The following MSLN variants were observed in gnomAD, a reference collection of about 807,000 sequenced individuals.
MSLN encodes CAK1 antigen.
A neutral mutation model predicts 72.6 loss-of-function variants in MSLN; 82 were observed. That is an observed-to-expected ratio of 1.13 (90% CI 0.94 to 1.36). The LOEUF (loss-of-function observed/expected upper bound fraction) is 1.36. MSLN is among the 40% of genes most tolerant of loss of function. MSLN has a pLI of 0.00. For synonymous variants in MSLN, 456 were observed against 387.3 expected, an observed-to-expected ratio of 1.18 and a Z score of -2.08; for missense variants, 1,005 against 847.9, an observed-to-expected ratio of 1.19 and a Z score of -2.30.
intron 16 of MSLN, among the ~76,000 whole-genome samples, chr16:768,090 GCCCTGGTGGA>G (rs2041663163): frequency 1.7e-5 from 2 of 118,430 alleles, no homozygotes; most frequent in East Asian, 3.0e-4. Context: ...AAGTGGAGAA[GCCCTGGTGGA>G]GGGGCGCATG....
intron 5 of MSLN, among the ~76,000 whole-genome samples, 157 bp from the exon 6 acceptor site, chr16:763,866 C>T (rs568518771): frequency 3.3e-5 from 5 of 151,430 alleles, no homozygotes; most frequent in African/African-American, 4.9e-5. Context: ...GTGATGGCAA[C>T]TCCCGGCCCT....
At chr16:762,638 AG>A in intron 2 of MSLN, 33 bp from the exon 3 acceptor site, 2 of 1,504,616 alleles carry the variant, frequency 1.3e-6, no homozygotes, top group Non-Finnish European at 1.8e-6. Context: ...GGGTGGGAGC[AG>A]GGGGTCCCAT....
chr16:767,120 A>ACCACCCAGTTACC, intron 15 of MSLN, 108 bp downstream of exon 15: 1 of 1,541,750 alleles, frequency 6.5e-7, no homozygotes. Context: ...TGCCAGGGTA[A>ACCACCCAGTTACC]CTGGGTGGTC....
chr16:762,453 G>A (rs898188891), intron 2 of MSLN: 1 of 549,618 alleles, frequency 1.8e-6, no homozygotes, highest in African/African-American at 2.0e-5. Context: ...CTGGGGACCG[G>A]GATCTCAGAC....
At chr16:767,496 GT>G in intron 16 of MSLN, 26 bp downstream of exon 16, 1 of 1,502,428 alleles carries the variant, frequency 6.7e-7, no homozygotes, top group Non-Finnish European at 8.9e-7. Context: ...GGAGGGGCGT[GT>G]GGAGGAGGGG....
rs756137887 is a variant in MSLN at position 768,820 on chromosome 16, G to A, written c.*87G>A. The A allele has an allele frequency of 7.7e-6, 10 of 1,304,104 alleles. No homozygotes were observed. The African/African-American group carries it at 1.2e-4, about 15-fold the overall frequency. The allele number at this position is 1,304,104 out of a possible 1,614,324, so 80.8% of individuals were successfully genotyped here. ...ACGGGTGGTCCCCGTTCCACCCCAA[G>A]AGAACTCGCGCTCAGTAAACGGGAA... On this transcript the variant is annotated 3_prime_UTR_variant, in exon 18 of 18. Transcript: ENST00000545450.
intron 4 of MSLN, 145 bp from the exon 5 acceptor site, chr16:763,497 G>C (rs2151614054): frequency 5.6e-6 from 5 of 889,194 alleles, no homozygotes; most frequent in Non-Finnish European, 8.5e-6. Context: ...TGGATGAGAA[G>C]CAGCCAAGCC....
At chr16:761,629 T>G (rs947120522) in intron 2 of MSLN, among the ~76,000 whole-genome samples, 1 of 151,930 alleles carries the variant, frequency 6.6e-6, no homozygotes, top group South Asian at 2.1e-4. Context: ...TTTCTGGCTG[T>G]GGGGGGGGTC....
At chr16:762,334 G>A (rs2041546021) in intron 2 of MSLN, among the ~76,000 whole-genome samples, 1 of 152,220 alleles carries the variant, frequency 6.6e-6, no homozygotes, top group African/African-American at 2.4e-5. Context: ...GGGAGACTCA[G>A]GCCAGCCCAA....
At position 768,658 on chromosome 16, in the gene MSLN, G is replaced by A. The variant is rs201197109; in HGVS notation, c.1794G>A (p.Ser598=). 4.1e-4 allele frequency: 667 copies of A among 1,611,020 alleles called. 4 individuals carry two copies. In the East Asian group the frequency reaches 6.9e-3, roughly 17 times the overall value. ...CCCCTCTCTCTGTAGAGGCCCTCTC[G>A]GGGACGCCCTGCCTCCTAGGACCTG... The part of the protein sequence containing the change: ...VLDLSMQEAL[S]GTPCLLGPGP... Residue 598 remains serine, a synonymous_variant, in exon 18 of 18, where the codon TCG becomes TCA. Transcript: ENST00000545450.
chr16:766,192 C>T lies in MSLN; in HGVS notation c.1029C>T (p.Pro343=). Residue 343 remains proline (P), a synonymous_variant, in exon 12 of 18, where the codon CCC becomes CCT. Coordinates refer to ENST00000545450, the MANE Select transcript of MSLN (RefSeq NM_005823.6). ...ATQMDRVNAI[P]FTYEQLDVLK... ...AGATGGACCGCGTGAACGCCATCCC[C>T]TTCACCTACGAGCAGCTGGACGTCC... 25 of 1,612,410 alleles carry T rather than the reference C, an allele frequency of 1.6e-5. No homozygotes were observed. Among genetic ancestry groups the T allele is most frequent in the Non-Finnish European group, 2.0e-5 (24 of 1,179,626 alleles).
At position 764,993 on chromosome 16, in the gene MSLN, C is replaced by A. The variant is rs906799088; in HGVS notation, c.467C>A (p.Ala156Asp). 5 of 1,612,308 alleles carry A rather than the reference C, an allele frequency of 3.1e-6. No homozygotes were observed. The highest frequency in any genetic ancestry group is 4.2e-6 in the Non-Finnish European group (5 of 1,179,704). Reference sequence around the variant, plus strand: ...AATGTGGACCTGCTCCCGAGGGGGGCTCCCGAGCGACAGCGGCTGCTGCCT... The same window carrying A: ...AATGTGGACCTGCTCCCGAGGGGGGATCCCGAGCGACAGCGGCTGCTGCCT... ...KANVDLLPRG[A>D]PERQRLLPAA... The change falls in exon 8 of 18, where the codon GCT (alanine) becomes GAT (aspartate). Residue 156 changes from alanine to aspartate, a missense_variant. Ala to Asp is a moderately radical substitution (Grantham distance 126). Coordinates refer to ENST00000545450, the MANE Select transcript of MSLN (RefSeq NM_005823.6).
At chr16:767,199 C>T (rs543994735) in intron 15 of MSLN, among the ~76,000 whole-genome samples, 177 bp from the exon 16 acceptor site, 1 of 152,112 alleles carries the variant, frequency 6.6e-6, no homozygotes, top group African/African-American at 2.4e-5. Context: ...GCTCGGGGCG[C>T]CAGCCACCTC....
chr16:765,625 C>A lies in MSLN; in HGVS notation c.795+8C>A. 5 of 1,601,636 alleles carry A rather than the reference C, an allele frequency of 3.1e-6. No individual in the cohort carries two copies. The highest frequency in any genetic ancestry group is 4.2e-6 in the Non-Finnish European group (5 of 1,178,182). On this transcript the variant is annotated splice_region_variant and intron_variant, in intron 10 of 17. Transcript: ENST00000545450. Reference sequence around the variant, plus strand: ...ATCCGCAGCATCCCGCAGGTGAGACCCCAATCCCCAGCCCGTGGGGATGCC... The same window carrying A: ...ATCCGCAGCATCCCGCAGGTGAGACACCAATCCCCAGCCCGTGGGGATGCC...
chr16:763,345 C>T (rs1019074739), intron 4 of MSLN, 69 bp downstream of exon 4: 2 of 1,292,612 alleles, frequency 1.5e-6, no homozygotes, highest in Non-Finnish European at 2.2e-6. Context: ...GCTGTGTTCT[C>T]TCTGTCACGT....
rs372296209 is a variant in MSLN at position 764,037 on chromosome 16, A to G, written c.194A>G (p.Gln65Arg). The G allele has an allele frequency of 5.6e-6, 9 of 1,602,484 alleles. No individual in the cohort carries two copies. The highest frequency in any genetic ancestry group is 7.6e-6 in the Non-Finnish European group (9 of 1,179,630). Reference sequence around the variant, plus strand: ...CCTTCCTGCAGCCTCTCCCCTCGCCAACTCCTTGGCTTCCCGTGTGCGGAG... The same window carrying G: ...CCTTCCTGCAGCCTCTCCCCTCGCCGACTCCTTGGCTTCCCGTGTGCGGAG... Reference protein sequence around the residue: ...PPNISSLSPRQLLGFPCAEVS... With the variant: ...PPNISSLSPRRLLGFPCAEVS... Residue 65 changes from glutamine (Q) to arginine (R), a missense_variant, in exon 6 of 18, where the codon CAA (glutamine) becomes CGA (arginine). Gln to Arg is a conservative substitution (Grantham distance 43). Coordinates refer to ENST00000545450, the MANE Select transcript of MSLN (RefSeq NM_005823.6).
At chr16:761,598 G>A (rs1459980991) in intron 2 of MSLN, among the ~76,000 whole-genome samples, 1 of 151,490 alleles carries the variant, frequency 6.6e-6, no homozygotes, top group African/African-American at 2.4e-5. Flanking sequence ...CCAAGGGCTG[G>A]GGGTCCCACT....
At chr16:762,293 A>G (rs995452638) in intron 2 of MSLN, among the ~76,000 whole-genome samples, 1 of 152,192 alleles carries the variant, frequency 6.6e-6, no homozygotes, top group Admixed American at 6.5e-5. Context: ...CATCCAGGCG[A>G]CGGGGCTGCT....
Position 763,386 on chromosome 16 carries a change from T to TGCCG in MSLN, c.129+110_129+111insGCCG, listed in dbSNP as rs1322308005. The TGCCG allele has an allele frequency of 2.8e-6, 3 of 1,052,644 alleles. No homozygotes were observed. The African/African-American group carries it at 4.9e-5, about 17-fold the overall frequency. The allele number at this position is 1,052,644 out of a possible 1,614,324, so 65.2% of individuals were successfully genotyped here. A position where few individuals can be genotyped will look rare whatever the true frequency, so the allele number is the denominator to read the frequency against. On this transcript the variant is annotated intron_variant, in intron 4 of 17. Coordinates refer to ENST00000545450, the MANE Select transcript of MSLN (RefSeq NM_005823.6). Reference sequence around the variant, plus strand: ...CGGTGCTTGCCAGTTTCCACGGTCCTTGCTTGCAAAGGGGCACCTGGACCT... The same window carrying TGCCG: ...CGGTGCTTGCCAGTTTCCACGGTCCTGCCGTGCTTGCAAAGGGGCACCTGGACCT...
Sources: allele counts gnomAD v4.1 joint callset (sites outside exome capture counted in the v4.1 genomes callset), GRCh38; gene constraint gnomAD v4.1.1; transcripts MANE v1.5; gene names NCBI Gene and HGNC (gene_info 2026-07-23, HGNC 2026-07-21).